Variants in ERBB4 observed in about 807,000 individuals in gnomAD.
The protein encoded by ERBB4 is receptor tyrosine-protein kinase erbB-4.
A neutral mutation model predicts 158.0 loss-of-function variants in ERBB4; 42 were observed. The ratio of observed to expected loss-of-function variants is 0.27; its 90% CI spans 0.21 to 0.34. The LOEUF (loss-of-function observed/expected upper bound fraction) is 0.34, where lower values mean the gene tolerates loss of function less well. Among genes scored for constraint, ERBB4 ranks in the 10% least tolerant of loss-of-function variants. The pLI is 1.00. For missense variants in ERBB4, 1,333 were observed against 1,624.1 expected (o/e 0.82, Z 3.08); for synonymous variants, 583 against 558.7 (o/e 1.04, Z -0.61).
At chr2:211,746,806 G>T (rs910522616) in intron 5 of ERBB4, among the ~76,000 whole-genome samples, 3 of 147,714 alleles carry the variant, frequency 2.0e-5, no homozygotes. Context: ...CTCCAGCCTG[G>T]GTGACAGAGG....
intron 2 of ERBB4, among the ~76,000 whole-genome samples, chr2:212,115,900 TAAAG>T (rs199756229): frequency 0.013 from 2,046 of 152,284 alleles, 23 homozygotes; most frequent in African/African-American, 0.025. Flanking sequence ...CCCAGAGGTA[TAAAG>T]AAACACTTTG....
chr2:212,222,595 C>T (rs1263123081), intron 1 of ERBB4, among the ~76,000 whole-genome samples: 1 of 150,482 alleles, frequency 6.6e-6, no homozygotes, highest in East Asian at 1.9e-4. Flanking sequence ...GCCTGGTTTT[C>T]ATGACACCAT....
chr2:212,282,861 G>A (rs2085810181), intron 1 of ERBB4, among the ~76,000 whole-genome samples: 1 of 151,872 alleles, frequency 6.6e-6, no homozygotes, highest in Admixed American at 6.6e-5. Context: ...GAAGCAAAAT[G>A]TACCTATTGT....
At chr2:211,598,304 C>T (rs1029712110) in intron 19 of ERBB4, among the ~76,000 whole-genome samples, 2 of 151,616 alleles carry the variant, frequency 1.3e-5, no homozygotes, top group African/African-American at 4.9e-5. Flanking sequence ...GAAGCTTGAA[C>T]TGGAAAAAAT....
At chr2:211,568,558 C>G (rs531366681) in intron 19 of ERBB4, among the ~76,000 whole-genome samples, 2 of 152,130 alleles carry the variant, frequency 1.3e-5, no homozygotes, top group Non-Finnish European at 2.9e-5. Context: ...ATAGGCTATT[C>G]TGTTTTTAAA....
At chr2:211,720,304 G>T (rs1196580818) in intron 7 of ERBB4, among the ~76,000 whole-genome samples, 1 of 152,200 alleles carries the variant, frequency 6.6e-6, no homozygotes. Context: ...CTTCATTCCT[G>T]CAGGGGCTGT....
At chr2:212,247,305 C>A (rs928900008) in intron 1 of ERBB4, among the ~76,000 whole-genome samples, 1 of 152,032 alleles carries the variant, frequency 6.6e-6, no homozygotes, top group Non-Finnish European at 1.5e-5. Flanking sequence ...AGAATTGCAC[C>A]TTTATGCCCT....
chr2:211,524,678 G>GC (rs533655513), intron 20 of ERBB4, among the ~76,000 whole-genome samples: 16,521 of 150,034 alleles, frequency 0.11, 1,654 homozygotes, highest in African/African-American at 0.26. Context: ...CGAGTGCGGG[G>GC]CCGCCAAGCC....
rs1337377088 is a variant in ERBB4, at chr2:211,630,589, G to A, written c.1952C>T (p.Pro651Leu). 6.2e-7 allele frequency: 1 copy of A among 1,612,462 alleles called. No homozygotes were observed. Among genetic ancestry groups the A allele is most frequent in the Non-Finnish European group, 8.5e-7 (1 of 1,179,700 alleles). ...ACCAATTACTCCAGCTGCAATCAGG[G>A]GAGTTCTGACAACCAGAATGAGAAA... ...HSTLPQHART[P>L]LIAAGVIGGL... Residue 651 changes from proline (P) to leucine (L), a missense_variant, in exon 17 of 28, where the codon CCC becomes CTC. By Grantham distance (98) the Pro-to-Leu change is moderately conservative. This residue lies in a region of ERBB4 where 245 missense variants were observed against 247.5 expected (regional missense o/e 0.99). Transcript: ENST00000342788.
intron 3 of ERBB4, among the ~76,000 whole-genome samples, chr2:211,889,491 C>A (rs2078905264): frequency 6.6e-6 from 1 of 151,658 alleles, no homozygotes; most frequent in East Asian, 1.9e-4. Context: ...ATGCAGAGCG[C>A]CTCTCCTCCT....
At chr2:211,820,649 A>T (rs2076974836) in intron 3 of ERBB4, among the ~76,000 whole-genome samples, 1 of 151,926 alleles carries the variant, frequency 6.6e-6, no homozygotes, top group African/African-American at 2.4e-5. Context: ...CTTCAGGCCA[A>T]TATCTCTGAT....
At chr2:211,517,547 C>T (rs764394480) in intron 20 of ERBB4, among the ~76,000 whole-genome samples, 16 of 151,998 alleles carry the variant, frequency 1.1e-4, no homozygotes, top group African/African-American at 3.6e-4. Flanking sequence ...GGTGAGATAG[C>T]TTTTTTCCTT....
intron 2 of ERBB4, among the ~76,000 whole-genome samples, chr2:212,060,197 C>T (rs182812790): frequency 6.6e-6 from 1 of 152,166 alleles, no homozygotes; most frequent in African/African-American, 2.4e-5. Context: ...AGCCAACAGA[C>T]ACATGAAAAA....
intron 3 of ERBB4, among the ~76,000 whole-genome samples, chr2:211,900,600 G>C (rs544726475): frequency 6.6e-6 from 1 of 152,092 alleles, no homozygotes; most frequent in Non-Finnish European, 1.5e-5. Flanking sequence ...TTACGCTTTA[G>C]TAAAGAGTTT....
At chr2:211,753,289 A>AC (rs1210327097) in intron 4 of ERBB4, among the ~76,000 whole-genome samples, 6 of 151,722 alleles carry the variant, frequency 4.0e-5, no homozygotes, top group African/African-American at 7.3e-5. Flanking sequence ...GAAAAAAAAA[A>AC]ACAAAATTTC....
intron 16 of ERBB4, among the ~76,000 whole-genome samples, chr2:211,649,972 A>G (rs1559380868): frequency 6.6e-6 from 1 of 152,046 alleles, no homozygotes; most frequent in Non-Finnish European, 1.5e-5. Context: ...GAATAATTGT[A>G]TGTTTATGAA....
intron 1 of ERBB4, among the ~76,000 whole-genome samples, chr2:212,339,374 A>C (rs900130915): frequency 6.6e-6 from 1 of 152,206 alleles, no homozygotes; most frequent in Non-Finnish European, 1.5e-5. Flanking sequence ...ACAATAAACT[A>C]AGAATGTTTT....
chr2:211,658,435 T>C (rs991031511), intron 15 of ERBB4, among the ~76,000 whole-genome samples: 3 of 152,172 alleles, frequency 2.0e-5, no homozygotes, highest in African/African-American at 7.2e-5. Flanking sequence ...AATAACCTGA[T>C]GCTCAATGCT....
At chr2:211,808,193 T>C (rs900936874) in intron 3 of ERBB4, among the ~76,000 whole-genome samples, 1 of 152,238 alleles carries the variant, frequency 6.6e-6, no homozygotes, top group African/African-American at 2.4e-5. Flanking sequence ...AGACATGAAG[T>C]CCTTGCCCAT....
Sources: allele counts gnomAD v4.1 joint callset (sites outside exome capture counted in the v4.1 genomes callset), GRCh38; gene constraint gnomAD v4.1.1; regional missense constraint gnomAD v4.1.1; transcripts MANE v1.5; gene names NCBI Gene and HGNC (gene_info 2026-07-23, HGNC 2026-07-21).